The following FAM13A variants were observed in gnomAD, a reference collection of about 807,000 sequenced individuals.
The protein encoded by FAM13A is protein FAM13A.
FAM13A carries 76 observed loss-of-function variants against 129.6 expected under a neutral mutation model. The observed-to-expected ratio is 0.59, with a 90% CI of 0.49 to 0.71. The LOEUF is 0.71. Ranked by LOEUF, FAM13A falls within the 30% of genes least tolerant of loss-of-function variation. The pLI, the probability that FAM13A is intolerant of heterozygous loss-of-function variation, is 0.00. For synonymous variants in FAM13A, 443 were observed against 449.9 expected (o/e 0.98, Z 0.20); for missense variants, 1,108 against 1,249.3 (o/e 0.89, Z 1.70).
rs1261292484 is a variant in FAM13A, at chr4:88,945,361, T to C, written c.606-7120A>G. Among the ~76,000 whole-genome samples, 5 of 152,180 alleles carry C rather than the reference T, an allele frequency of 3.3e-5. No individual in the cohort carries two copies. The East Asian group carries it at 9.6e-4, about 29-fold the overall frequency. On this transcript the variant is annotated intron_variant, in intron 4 of 23. Coordinates refer to ENST00000264344, the MANE Select transcript of FAM13A (RefSeq NM_014883.4). The stretch of plus-strand genomic sequence containing the variant: ...ATGCCTGCTAGCACAACCAGAGACA[T>C]TCAACTGCAAATCAGGACGAGAAGT...
intron 6 of FAM13A, among the ~76,000 whole-genome samples, chr4:88,878,045 T>G (rs528674097): frequency 1.3e-5 from 2 of 151,988 alleles, no homozygotes; most frequent in African/African-American, 4.8e-5. Context: ...TCCCAGCACA[T>G]TGGAAGGGCC....
intron 13 of FAM13A, among the ~76,000 whole-genome samples, chr4:88,763,379 G>A (rs190413752): frequency 6.6e-6 from 1 of 152,288 alleles, no homozygotes; most frequent in Non-Finnish European, 1.5e-5. Flanking sequence ...AGCAAGATAA[G>A]GGATTTGGTG....
chr4:88,972,214 T>A (rs1365909200), intron 4 of FAM13A, among the ~76,000 whole-genome samples: 1 of 152,134 alleles, frequency 6.6e-6, no homozygotes, highest in Non-Finnish European at 1.5e-5. Flanking sequence ...CCCTAAGAAT[T>A]TTTAACATTT....
intron 10 of FAM13A, among the ~76,000 whole-genome samples, chr4:88,783,635 A>T (rs1723396616): frequency 6.6e-6 from 1 of 152,108 alleles, no homozygotes; most frequent in Admixed American, 6.6e-5. Context: ...GCTAGTATGG[A>T]CGGATTTATG....
chr4:88,750,714 C>T lies in FAM13A; in HGVS notation c.1727-77G>A, dbSNP rs1471446397. The T allele has an allele frequency of 4.6e-6, 5 of 1,080,208 alleles. No individual in the cohort carries two copies. In the African/African-American group the frequency reaches 4.7e-5, roughly 10 times the overall value. 66.9% of individuals were successfully genotyped at this position (1,080,208 alleles called of 1,614,324 possible). ...TGTTCTTTAAAACACAAGTGTTTCC[C>T]AGGCTTCCCAGATGCTTTAGGAAGC... is the stretch of plus-strand genomic sequence containing the variant. On this transcript the variant is annotated intron_variant, in intron 14 of 23. Coordinates refer to ENST00000264344, the MANE Select transcript of FAM13A (RefSeq NM_014883.4).
chr4:89,022,372 G>A lies in FAM13A; in HGVS notation c.218-1703C>T, dbSNP rs150192320. On this transcript the variant is annotated intron_variant, in intron 2 of 23. Coordinates refer to ENST00000264344, the MANE Select transcript of FAM13A (RefSeq NM_014883.4). ...ATTACCCTCATGGACTTTGAAGTCT[G>A]GTGAGATGTTTGTGTTCTTCCACAT... is the stretch of plus-strand genomic sequence containing the variant. 2.6e-4 allele frequency among the ~76,000 whole-genome samples: 40 copies of A among 152,168 alleles called. No individual in the cohort carries two copies. In the East Asian group the frequency reaches 6.6e-3, roughly 25 times the overall value.
At chr4:88,861,723 A>AC (rs1554008740) in intron 6 of FAM13A, among the ~76,000 whole-genome samples, 2 of 152,334 alleles carry the variant, frequency 1.3e-5, no homozygotes, top group East Asian at 3.9e-4. Flanking sequence ...ATGGACTCCT[A>AC]CCTCTAGTAA....
chr4:88,853,509 T>A (rs1737975337), intron 6 of FAM13A, among the ~76,000 whole-genome samples: 1 of 152,086 alleles, frequency 6.6e-6, no homozygotes, highest in South Asian at 2.1e-4. Context: ...ACATGAAAAA[T>A]CAATAAAACC....
intron 7 of FAM13A, among the ~76,000 whole-genome samples, chr4:88,833,010 A>C (rs1734163190): frequency 6.6e-6 from 1 of 152,252 alleles, no homozygotes; most frequent in African/African-American, 2.4e-5. Context: ...CTGGATAAAG[A>C]AAATGTGGTA....
At chr4:88,743,566 C>A (rs1740667483) in intron 19 of FAM13A, among the ~76,000 whole-genome samples, 2 of 152,068 alleles carry the variant, frequency 1.3e-5, no homozygotes, top group Admixed American at 6.6e-5. Flanking sequence ...TATGAACTTC[C>A]AGTTGTTTTC....
intron 17 of FAM13A, 70 bp from the exon 18 acceptor site, chr4:88,747,921 G>A (rs541213337): frequency 2.6e-5 from 30 of 1,155,326 alleles, no homozygotes; most frequent in Non-Finnish European, 3.1e-5. Context: ...ATGGAGTCTC[G>A]CTCTGTCGCC....
chr4:89,010,297 C>G (rs1765567347), intron 3 of FAM13A, among the ~76,000 whole-genome samples: 1 of 152,198 alleles, frequency 6.6e-6, no homozygotes, highest in Admixed American at 6.5e-5. Flanking sequence ...TGGTTATCCC[C>G]AGGCTTTGTA....
At chr4:88,954,702 C>G (rs946569595) in intron 4 of FAM13A, among the ~76,000 whole-genome samples, 1 of 151,856 alleles carries the variant, frequency 6.6e-6, no homozygotes, top group African/African-American at 2.4e-5. Flanking sequence ...CTGGGCAACA[C>G]GGCAAAAACC....
At chr4:89,047,605 T>C (rs1053744554) in intron 1 of FAM13A, among the ~76,000 whole-genome samples, 7 of 152,150 alleles carry the variant, frequency 4.6e-5, no homozygotes, top group Non-Finnish European at 2.9e-5. Flanking sequence ...TTAAGAATAG[T>C]GGGAGTTTGC....
At chr4:88,785,698 C>T (rs540602016) in intron 10 of FAM13A, among the ~76,000 whole-genome samples, 15 of 152,274 alleles carry the variant, frequency 9.9e-5, no homozygotes, top group Non-Finnish European at 1.6e-4. Flanking sequence ...TACTGACCTA[C>T]GGTCAAAGCT....
At position 88,726,949 on chromosome 4, in the gene FAM13A, G is replaced by C. The variant is rs773623810; in HGVS notation, c.*1584C>G. Reference sequence around the variant, plus strand: ...TCCTTAACATTCAGCTGACAGAAGAGAGCTGCTACCTCACTTCAGCAATGG... The same window carrying C: ...TCCTTAACATTCAGCTGACAGAAGACAGCTGCTACCTCACTTCAGCAATGG... On this transcript the variant is annotated 3_prime_UTR_variant, in exon 24 of 24. Coordinates refer to ENST00000264344, the MANE Select transcript of FAM13A (RefSeq NM_014883.4). 1.3e-5 allele frequency: 2 copies of C among 152,620 alleles called. No individual in the cohort carries two copies. The highest frequency in any genetic ancestry group is 2.1e-4 in the South Asian group (1 of 4,830). The allele number at this position is 152,620 out of a possible 1,614,324, so 9.5% of individuals were successfully genotyped here. A position where few individuals can be genotyped will look rare whatever the true frequency, so the allele number is the denominator to read the frequency against.
rs576521126 is a variant in FAM13A at position 89,041,504 on chromosome 4, A to G, written c.28-11855T>C. Among the ~76,000 whole-genome samples, 4 of 152,346 alleles carry G rather than the reference A, an allele frequency of 2.6e-5. No homozygotes were observed. The East Asian group carries it at 7.7e-4, about 29-fold the overall frequency. ...TAACTCCCACAAGCTTAGCGTTCCA[A>G]TAATGGAACACTAGGCATAAATGGG... is the stretch of plus-strand genomic sequence containing the variant. On this transcript the variant is annotated intron_variant, in intron 1 of 23. Coordinates refer to ENST00000264344, the MANE Select transcript of FAM13A (RefSeq NM_014883.4).
intron 1 of FAM13A, among the ~76,000 whole-genome samples, chr4:89,053,824 T>C (rs1771896647): frequency 6.6e-6 from 1 of 152,168 alleles, no homozygotes; most frequent in Non-Finnish European, 1.5e-5. Context: ...CTTCATCCAC[T>C]AGAATATGCA....
chr4:88,793,159 A>C (rs1725498508), intron 8 of FAM13A, among the ~76,000 whole-genome samples: 1 of 151,922 alleles, frequency 6.6e-6, no homozygotes, highest in Admixed American at 6.6e-5. Flanking sequence ...ATTCTTCAAA[A>C]CTTCAATTAC....
Sources: allele counts gnomAD v4.1 joint callset (sites outside exome capture counted in the v4.1 genomes callset), GRCh38; gene constraint gnomAD v4.1.1; transcripts MANE v1.5; gene names NCBI Gene and HGNC (gene_info 2026-07-23, HGNC 2026-07-21).